FSTL5: variants seen among roughly 807,000 people sequenced by gnomAD.
FSTL5 encodes follistatin-related protein 5.
Under a neutral mutation model 89.1 loss-of-function variants are expected in FSTL5, and 62 were observed. The ratio of observed to expected loss-of-function variants is 0.70; its 90% CI spans 0.57 to 0.86. The LOEUF (loss-of-function observed/expected upper bound fraction) is 0.86, where lower values mean the gene tolerates loss of function less well. Ranked by LOEUF, FSTL5 falls within the 40% of genes least tolerant of loss-of-function variation. FSTL5 has a pLI of 0.00. For synonymous variants in FSTL5, 383 were observed against 346.2 expected, an observed-to-expected ratio of 1.11 and a Z score of -1.18; for missense variants, 1,057 against 1,001.6, an observed-to-expected ratio of 1.06 and a Z score of -0.75.
chr4:161,655,035 C>A (rs541358113), intron 7 of FSTL5, among the ~76,000 whole-genome samples: 2 of 152,040 alleles, frequency 1.3e-5, no homozygotes, highest in Admixed American at 1.3e-4. Context: ...AAAACATGTT[C>A]TTTCATGCTA....
chr4:161,546,569 T>C (rs1308358722), intron 8 of FSTL5, among the ~76,000 whole-genome samples: 5 of 151,490 alleles, frequency 3.3e-5, no homozygotes, highest in Non-Finnish European at 7.4e-5. Context: ...TGGTAAAAAC[T>C]AAAGAGAACA....
intron 3 of FSTL5, among the ~76,000 whole-genome samples, chr4:161,993,031 G>C (rs990307383): frequency 6.7e-6 from 1 of 148,812 alleles, no homozygotes; most frequent in Non-Finnish European, 1.5e-5. Context: ...GGGGTGTGGA[G>C]GGGCATATTG....
At chr4:162,039,321 C>T (rs1281763064) in intron 2 of FSTL5, among the ~76,000 whole-genome samples, 3 of 151,454 alleles carry the variant, frequency 2.0e-5, no homozygotes, top group Non-Finnish European at 3.0e-5. Flanking sequence ...GTTGTTTTTC[C>T]TGATCCCCAT....
chr4:161,390,957 C>T (rs1730802989), intron 15 of FSTL5, among the ~76,000 whole-genome samples: 1 of 151,596 alleles, frequency 6.6e-6, no homozygotes, highest in African/African-American at 2.4e-5. Flanking sequence ...GATCTTACTC[C>T]TCCAACCCCA....
chr4:162,139,199 T>C (rs555265812), intron 1 of FSTL5, among the ~76,000 whole-genome samples: 1 of 152,226 alleles, frequency 6.6e-6, no homozygotes, highest in African/African-American at 2.4e-5. Context: ...ATGAACATTG[T>C]ACCCAGGTGA....
chr4:161,430,241 T>C (rs1732311284), intron 15 of FSTL5, among the ~76,000 whole-genome samples: 1 of 151,464 alleles, frequency 6.6e-6, no homozygotes, highest in African/African-American at 2.4e-5. Context: ...ATCTACGAGA[T>C]CTAGGAAATA....
At chr4:161,710,061 T>C (rs1240577107) in intron 6 of FSTL5, among the ~76,000 whole-genome samples, 1 of 152,018 alleles carries the variant, frequency 6.6e-6, no homozygotes, top group Non-Finnish European at 1.5e-5. Flanking sequence ...CTTTACTTCC[T>C]GGGGTCAAGC....
intron 3 of FSTL5, among the ~76,000 whole-genome samples, chr4:161,955,084 T>C (rs545605438): frequency 1.4e-4 from 22 of 151,778 alleles, no homozygotes; most frequent in African/African-American, 5.1e-4. Flanking sequence ...TTGTGCCATG[T>C]TGATATAAAA....
intron 4 of FSTL5, among the ~76,000 whole-genome samples, chr4:161,804,428 C>T (rs1370531516): frequency 6.6e-6 from 1 of 151,840 alleles, no homozygotes; most frequent in Non-Finnish European, 1.5e-5. Context: ...TATTTCAATT[C>T]CATTTTACTT....
intron 8 of FSTL5, among the ~76,000 whole-genome samples, chr4:161,555,198 C>T (rs550048653): frequency 6.5e-4 from 99 of 151,530 alleles, no homozygotes; most frequent in African/African-American, 2.2e-3. Context: ...AATTACAATG[C>T]TTTAACCTAT....
chr4:162,157,844 G>A (rs2110756727), intron 1 of FSTL5, among the ~76,000 whole-genome samples: 1 of 152,174 alleles, frequency 6.6e-6, no homozygotes, highest in Non-Finnish European at 1.5e-5. Context: ...GCTAACAGCA[G>A]TCACCTCTTC....
At chr4:161,565,528 G>C (rs1428759404) in intron 8 of FSTL5, among the ~76,000 whole-genome samples, 1 of 151,550 alleles carries the variant, frequency 6.6e-6, no homozygotes, top group African/African-American at 2.4e-5. Flanking sequence ...GAAAATTTAA[G>C]CAGGCCAGAA....
chr4:161,964,015 G>A (rs1196922852), intron 3 of FSTL5, among the ~76,000 whole-genome samples: 1 of 151,904 alleles, frequency 6.6e-6, no homozygotes, highest in Non-Finnish European at 1.5e-5. Context: ...ATAATAAAAA[G>A]TAATTTTAAG....
At chr4:161,946,126 C>T (rs1456637641) in intron 3 of FSTL5, among the ~76,000 whole-genome samples, 3 of 152,024 alleles carry the variant, frequency 2.0e-5, no homozygotes, top group Non-Finnish European at 2.9e-5. Flanking sequence ...TATAAAGTAA[C>T]CATATTTCAA....
At chr4:162,080,204 A>G (rs552706303) in intron 2 of FSTL5, among the ~76,000 whole-genome samples, 3 of 151,756 alleles carry the variant, frequency 2.0e-5, no homozygotes, top group Admixed American at 6.6e-5. Context: ...TTTCAATATA[A>G]TTTATTTCAA....
chr4:161,587,721 C>T (rs572837679), intron 7 of FSTL5, 146 bp from the exon 8 acceptor site: 14 of 534,204 alleles, frequency 2.6e-5, no homozygotes, highest in Admixed American at 1.8e-4. Flanking sequence ...GGTGTATAAG[C>T]GTAAAGGATC....
chr4:161,993,840 G>A (rs1354609597), intron 3 of FSTL5, among the ~76,000 whole-genome samples: 1 of 151,946 alleles, frequency 6.6e-6, no homozygotes, highest in Non-Finnish European at 1.5e-5. Flanking sequence ...TGTCTAATGT[G>A]GAATATATGA....
At chr4:161,908,021 A>G (rs529752330) in intron 4 of FSTL5, among the ~76,000 whole-genome samples, 10 of 152,230 alleles carry the variant, frequency 6.6e-5, no homozygotes, top group Admixed American at 2.0e-4. Flanking sequence ...ACTGTGGGAA[A>G]CATGTTTCAT....
chr4:161,920,680 C>A, intron 3 of FSTL5, 28 bp from the exon 4 acceptor site: 7 of 1,586,306 alleles, frequency 4.4e-6, no homozygotes, highest in Non-Finnish European at 5.1e-6. Context: ...AATTGAAAAT[C>A]GTTTGGTTCA....
Sources: allele counts gnomAD v4.1 joint callset (sites outside exome capture counted in the v4.1 genomes callset), GRCh38; gene constraint gnomAD v4.1.1; transcripts MANE v1.5; gene names NCBI Gene and HGNC (gene_info 2026-07-23, HGNC 2026-07-21).